Variants in GRID2 observed in about 807,000 individuals in gnomAD.
GRID2 encodes the protein glutamate ionotropic receptor delta type subunit 2.
A neutral mutation model predicts 114.8 loss-of-function variants in GRID2; 33 were observed. That is an observed-to-expected ratio of 0.29 (90% CI 0.22 to 0.38). The LOEUF (loss-of-function observed/expected upper bound fraction) is 0.38. Among genes scored for constraint, GRID2 ranks in the 10% least tolerant of loss-of-function variants. The pLI, the probability that GRID2 is intolerant of heterozygous loss-of-function variation, is 1.00. For missense variants in GRID2, 1,184 were observed against 1,257.7 expected (o/e 0.94, Z 0.89); for synonymous variants, 505 against 449.9 (o/e 1.12, Z -1.55).
At chr4:92,778,833 A>G (rs1249200089) in intron 2 of GRID2, among the ~76,000 whole-genome samples, 2 of 152,060 alleles carry the variant, frequency 1.3e-5, no homozygotes, top group Admixed American at 6.6e-5. Context: ...TCTTCAGTAT[A>G]TCATGGAAAT....
intron 1 of GRID2, among the ~76,000 whole-genome samples, chr4:92,496,740 G>A (rs1723407506): frequency 6.6e-6 from 1 of 151,500 alleles, no homozygotes; most frequent in Non-Finnish European, 1.5e-5. Flanking sequence ...AATGAATGTT[G>A]TTAATACTTA....
At chr4:92,951,295 G>A (rs1018018534) in intron 2 of GRID2, among the ~76,000 whole-genome samples, 5 of 151,694 alleles carry the variant, frequency 3.3e-5, no homozygotes, top group Non-Finnish European at 7.4e-5. Context: ...ATTTTATGTT[G>A]TTCTATATAA....
At chr4:92,433,582 C>A (rs1335841295) in intron 1 of GRID2, among the ~76,000 whole-genome samples, 1 of 152,140 alleles carries the variant, frequency 6.6e-6, no homozygotes, top group African/African-American at 2.4e-5. Flanking sequence ...AGATTCTCTC[C>A]CCACCTGCTG....
intron 13 of GRID2, among the ~76,000 whole-genome samples, chr4:93,568,555 C>T (rs1414000042): frequency 1.3e-5 from 2 of 152,094 alleles, no homozygotes; most frequent in African/African-American, 4.8e-5. Context: ...TGAAATGAAT[C>T]GACTATAATA....
chr4:93,229,066 T>G (rs2149497834), intron 7 of GRID2, among the ~76,000 whole-genome samples: 1 of 152,288 alleles, frequency 6.6e-6, no homozygotes, highest in Admixed American at 6.5e-5. Context: ...ATTCTTTGTG[T>G]CAAGAAACTC....
rs985160607 is a variant in GRID2, at chr4:92,936,590, C to A, written c.245-148405C>A. On this transcript the variant is annotated intron_variant, in intron 2 of 15. Transcript: ENST00000282020. ...CCAGTTGCTTTGAGATAATTACTTCCTTTTACCAGAAAACTTCAACATCAA... is the reference window on the plus strand; with the variant it reads ...CCAGTTGCTTTGAGATAATTACTTCATTTTACCAGAAAACTTCAACATCAA... Among the ~76,000 whole-genome samples the A allele has an allele frequency of 1.2e-4, 17 of 145,574 alleles. 1 individual carries two copies. The highest frequency in any genetic ancestry group is 3.9e-4 in the African/African-American group (16 of 40,988).
chr4:92,412,365 G>A (rs1731380732), intron 1 of GRID2, among the ~76,000 whole-genome samples: 1 of 151,800 alleles, frequency 6.6e-6, no homozygotes, highest in Admixed American at 6.6e-5. Flanking sequence ...AATACACATT[G>A]TAAAAATCTT....
intron 14 of GRID2, among the ~76,000 whole-genome samples, chr4:93,633,209 T>A (rs1721092630): frequency 6.6e-6 from 1 of 151,970 alleles, no homozygotes; most frequent in Non-Finnish European, 1.5e-5. Context: ...GTTGTAGTCT[T>A]TTTTCCTATA....
In GRID2 at chr4:92,957,096, T is replaced by C. The variant is rs1264334867; in HGVS notation, c.245-127899T>C. On this transcript the variant is annotated intron_variant, in intron 2 of 15. Transcript: ENST00000282020. ...TTTGCACGTATTTTCTCTCAGTCTG[T>C]TGCTTGTTTTATCATTCTCTTGACA... is the stretch of plus-strand genomic sequence containing the variant. Among the ~76,000 whole-genome samples, 3 of 152,232 alleles carry C rather than the reference T, an allele frequency of 2.0e-5. No homozygotes were observed. In the East Asian group the frequency reaches 5.8e-4, roughly 29 times the overall value.
At chr4:92,675,929 T>C (rs1024658345) in intron 2 of GRID2, among the ~76,000 whole-genome samples, 5 of 151,972 alleles carry the variant, frequency 3.3e-5, no homozygotes, top group Admixed American at 6.6e-5. Context: ...GGTCACCTAA[T>C]ATGTTTACCT....
intron 14 of GRID2, among the ~76,000 whole-genome samples, chr4:93,682,418 A>G (rs1428951568): frequency 6.6e-6 from 1 of 151,850 alleles, no homozygotes; most frequent in Non-Finnish European, 1.5e-5. Flanking sequence ...TGACCCAGCC[A>G]TCCCATTACT....
At chr4:93,188,403 G>T (rs1182706769) in intron 4 of GRID2, among the ~76,000 whole-genome samples, 1 of 152,218 alleles carries the variant, frequency 6.6e-6, no homozygotes, top group Non-Finnish European at 1.5e-5. Context: ...AAGGAGTGCT[G>T]TTCCAGAATG....
intron 8 of GRID2, among the ~76,000 whole-genome samples, chr4:93,351,590 T>G (rs1284121938): frequency 6.6e-6 from 1 of 152,070 alleles, no homozygotes; most frequent in South Asian, 2.1e-4. Flanking sequence ...CAATCAGAAC[T>G]TTGTTTCATG....
At chr4:93,137,586 T>C (rs1442751022) in intron 4 of GRID2, among the ~76,000 whole-genome samples, 2 of 152,140 alleles carry the variant, frequency 1.3e-5, no homozygotes, top group Admixed American at 1.3e-4. Flanking sequence ...GGTACAAGGA[T>C]GCACAAATGA....
At chr4:93,046,678 T>A (rs896087438) in intron 2 of GRID2, among the ~76,000 whole-genome samples, 8 of 152,084 alleles carry the variant, frequency 5.3e-5, no homozygotes, top group African/African-American at 1.9e-4. Context: ...TTGCCAACTC[T>A]ACCTTGTATT....
chr4:92,950,866 A>T lies in GRID2; in HGVS notation c.245-134129A>T, dbSNP rs114937668. On this transcript the variant is annotated intron_variant, in intron 2 of 15. Coordinates refer to ENST00000282020, the MANE Select transcript of GRID2 (RefSeq NM_001510.4). ...TTATAGTAGTACCTAATTGTATTTC[A>T]GTTCTGGAGTGCCCACATATTCTGT... Among the ~76,000 whole-genome samples, 696 of 152,272 alleles carry T rather than the reference A, an allele frequency of 4.6e-3. 5 individuals carry two copies. The highest frequency in any genetic ancestry group is 0.016 in the African/African-American group (655 of 41,562).
chr4:93,654,066 A>G lies in GRID2; in HGVS notation c.2360+27631A>G, dbSNP rs115116200. Among the ~76,000 whole-genome samples the G allele has an allele frequency of 4.4e-3, 664 of 152,270 alleles. 5 individuals carry two copies. The highest frequency in any genetic ancestry group is 0.016 in the African/African-American group (646 of 41,566). On this transcript the variant is annotated intron_variant, in intron 14 of 15. Transcript: ENST00000282020. ...TCTTTTATTTCCTGGGTGTTTCTTA[A>G]TAAGTGGACTTATTGTAGCCCAGAT...
chr4:93,493,813 C>T (rs1272682417), intron 12 of GRID2, among the ~76,000 whole-genome samples: 1 of 151,800 alleles, frequency 6.6e-6, no homozygotes, highest in Admixed American at 6.6e-5. Context: ...TGTAGTTCTA[C>T]TGCCCAAAGT....
At position 92,325,633 on chromosome 4, in the gene GRID2, A is replaced by T. The variant is rs182198778; in HGVS notation, c.88+20889A>T. Among the ~76,000 whole-genome samples the T allele has an allele frequency of 1.2e-4, 18 of 151,984 alleles. No individual in the cohort carries two copies. The East Asian group carries it at 3.5e-3, about 29-fold the overall frequency. On this transcript the variant is annotated intron_variant, in intron 1 of 15. Transcript: ENST00000282020. Reference sequence around the variant, plus strand: ...AGATTTGCTATTAGTTTAACATGACAGAAAACACCTAGTACAAATTTTTGT... The same window carrying T: ...AGATTTGCTATTAGTTTAACATGACTGAAAACACCTAGTACAAATTTTTGT...
Sources: gnomAD v4.1 joint callset for allele counts (sites outside exome capture counted in the v4.1 genomes callset) on GRCh38, gnomAD v4.1.1 for gene constraint, MANE v1.5 for transcripts, NCBI Gene and HGNC (gene_info 2026-07-23, HGNC 2026-07-21) for gene names.